Variants in TPCN2 observed in about 807,000 individuals in gnomAD.
TPCN2 encodes the protein two pore channel protein 2.
In TPCN2, 92 loss-of-function variants were observed where a neutral mutation model predicts 111.4. That is an observed-to-expected ratio of 0.83 (90% CI 0.70 to 0.98). TPCN2 has a LOEUF of 0.98. Among genes scored for constraint, TPCN2 ranks in the 50% least tolerant of loss-of-function variants. TPCN2 has a pLI of 0.00. For synonymous variants in TPCN2, 405 were observed against 414.5 expected, an observed-to-expected ratio of 0.98 and a Z score of 0.28; for missense variants, 995 against 980.1, an observed-to-expected ratio of 1.02 and a Z score of -0.20.
intron 8 of TPCN2, 85 bp from the exon 9 acceptor site, chr11:69,070,345 T>C (rs1303497906): frequency 8.6e-7 from 1 of 1,158,514 alleles, no homozygotes; most frequent in African/African-American, 1.5e-5. Context: ...TCCTTTCTAT[T>C]GCAAAAGCAA....
intron 7 of TPCN2, among the ~76,000 whole-genome samples, chr11:69,065,328 G>A (rs1360180530): frequency 6.6e-6 from 1 of 152,206 alleles, no homozygotes; most frequent in Non-Finnish European, 1.5e-5. Flanking sequence ...GCTGGAAGTG[G>A]CAACAGCCTC....
chr11:69,086,600 T>C lies in TPCN2; in HGVS notation c.2081T>C (p.Leu694Pro), dbSNP rs756799709. 3.6e-5 allele frequency: 58 copies of C among 1,613,772 alleles called. No individual in the cohort carries two copies. The highest frequency in any genetic ancestry group is 4.8e-5 in the Non-Finnish European group (57 of 1,179,776). Residue 694 changes from leucine to proline, a missense_variant, in exon 23 of 25, where the codon CTG becomes CCG. By Grantham distance (98) the Leu-to-Pro change is moderately conservative. Coordinates refer to ENST00000294309, the MANE Select transcript of TPCN2 (RefSeq NM_139075.4). Reference sequence around the variant, plus strand: ...GTCAACCTGTTTCTGGCCCTGATTCTGGAGGTATCAGAGATCCCCACCCAG... The same window carrying C: ...GTCAACCTGTTTCTGGCCCTGATTCCGGAGGTATCAGAGATCCCCACCCAG... ...IWVNLFLALI[L>P]ENFLHKWDPR... is the part of the protein sequence containing the mutation.
intron 19 of TPCN2, among the ~76,000 whole-genome samples, 169 bp downstream of exon 19, chr11:69,084,185 C>G (rs1197543426): frequency 2.0e-5 from 3 of 152,188 alleles, no homozygotes; most frequent in Non-Finnish European, 4.4e-5. Context: ...GGGTAAGAAG[C>G]CAGAGGCATC....
chr11:69,083,953 C>G lies in TPCN2; in HGVS notation c.1698C>G (p.Ala566=). The G allele has an allele frequency of 6.2e-7, 1 of 1,614,072 alleles. No individual in the cohort carries two copies. The highest frequency in any genetic ancestry group is 8.5e-7 in the Non-Finnish European group (1 of 1,179,998). Residue 566 remains alanine, a synonymous_variant, in exon 19 of 25, where the codon GCC becomes GCG. Transcript: ENST00000294309. ...TCTCTTCCTGTCCTCAGCTGATGGCCGTGGTGGCCAGTACCGTCCTGGGCC... is the reference window on the plus strand; with the variant it reads ...TCTCTTCCTGTCCTCAGCTGATGGCGGTGGTGGCCAGTACCGTCCTGGGCC... The part of the protein sequence containing the change: ...LRIIPSMKLM[A]VVASTVLGLV...
intron 6 of TPCN2, among the ~76,000 whole-genome samples, chr11:69,063,611 C>T (rs1276304412): frequency 6.6e-6 from 1 of 152,158 alleles, no homozygotes; most frequent in Non-Finnish European, 1.5e-5. Context: ...GGCCTCCCCT[C>T]TGAGAGCCCT....
chr11:69,056,924 G>A (rs1854799027), intron 4 of TPCN2, among the ~76,000 whole-genome samples: 1 of 151,902 alleles, frequency 6.6e-6, no homozygotes. Context: ...TGCAACCTTC[G>A]CCTCCTGGGT....
Position 69,067,597 on chromosome 11 carries a change from AC to A in TPCN2, c.825del (p.Asp276MetfsTer2). 1 of 1,613,610 alleles carries A rather than the reference AC, an allele frequency of 6.2e-7. No homozygotes were observed. The highest frequency in any genetic ancestry group is 8.5e-7 in the Non-Finnish European group (1 of 1,179,940). On this transcript the variant is annotated frameshift_variant, in exon 8 of 25. Transcript: ENST00000294309. LOFTEE classifies it high-confidence loss of function. ...CTGGTGCTGCTGACCACGGCCAACA[AC>A]CCCGATGGTGCGTGCAGGGCCAGGG... is the stretch of plus-strand genomic sequence containing the variant. ...SLLVLLTTAN[N>X]PDVMIPAYSK...
At chr11:69,057,952 T>C (rs946399431) in intron 5 of TPCN2, among the ~76,000 whole-genome samples, 6 of 151,982 alleles carry the variant, frequency 3.9e-5, no homozygotes, top group Non-Finnish European at 7.4e-5. Context: ...GACCTGGGAG[T>C]GAGCTCCAAG....
chr11:69,053,566 T>G (rs10792013), intron 1 of TPCN2, among the ~76,000 whole-genome samples: 117,560 of 151,930 alleles, frequency 0.77, 50,825 homozygotes, highest in Non-Finnish European at 0.99. Flanking sequence ...AGCAGCCCCA[T>G]GTACCGAGCA....
chr11:69,076,418 C>T (rs1327999639), intron 13 of TPCN2, among the ~76,000 whole-genome samples: 1 of 152,104 alleles, frequency 6.6e-6, no homozygotes, highest in Non-Finnish European at 1.5e-5. Flanking sequence ...GGGAAATTTT[C>T]AGGAGGTCAG....
chr11:69,063,762 AC>A, intron 6 of TPCN2, 132 bp from the exon 7 acceptor site: 1 of 763,948 alleles, frequency 1.3e-6, no homozygotes, highest in South Asian at 1.6e-5. Context: ...GGAGAGGGGG[AC>A]CCAGCTGCTG....
rs750321261 is a variant in TPCN2, at chr11:69,070,477, A to G, written c.877A>G (p.Ile293Val). The change falls in exon 9 of 25, where the codon ATA (isoleucine) becomes GTA (valine). Residue 293 changes from isoleucine (I) to valine (V), a missense_variant. By Grantham distance (29) the Ile-to-Val change is conservative (BLOSUM62 3). Coordinates refer to ENST00000294309, the MANE Select transcript of TPCN2 (RefSeq NM_139075.4). ...GAACCGGGCCTATGCCATCTTCTTC[A>G]TAGTCTTCACTGTGATAGGTGAGTG... is the stretch of plus-strand genomic sequence containing the variant. ...SKNRAYAIFFIVFTVIGSLFL... is the reference protein window; with the variant it reads ...SKNRAYAIFFVVFTVIGSLFL... 6.2e-7 allele frequency: 1 copy of G among 1,610,028 alleles called. No homozygotes were observed. The highest frequency in any genetic ancestry group is 8.5e-7 in the Non-Finnish European group (1 of 1,178,450).
chr11:69,085,080 G>A (rs1856213658), intron 19 of TPCN2, 130 bp from the exon 20 acceptor site: 1 of 938,606 alleles, frequency 1.1e-6, no homozygotes, highest in African/African-American at 1.6e-5. Context: ...CAGCCAGGCT[G>A]GAATCCCAGC....
At chr11:69,079,268 C>A in intron 16 of TPCN2, 1 of 531,170 alleles carries the variant, frequency 1.9e-6, no homozygotes, top group East Asian at 3.1e-5. Flanking sequence ...CCTCCCGACC[C>A]CCAGGGGAAG....
rs1024480327 is a variant in TPCN2 at position 69,056,455 on chromosome 11, T to C, written c.429+1103T>C. ...GTTGTCATTAGCGTTTTTTGAATGGTTGGTGTGTTTGAGAAGTGTCAAAAG... is the reference window on the plus strand; with the variant it reads ...GTTGTCATTAGCGTTTTTTGAATGGCTGGTGTGTTTGAGAAGTGTCAAAAG... On this transcript the variant is annotated intron_variant, in intron 4 of 24. Transcript: ENST00000294309. Among the ~76,000 whole-genome samples the C allele has an allele frequency of 7.2e-5, 11 of 152,184 alleles. No individual in the cohort carries two copies. In the East Asian group the frequency reaches 2.1e-3, roughly 29 times the overall value.
intron 8 of TPCN2, among the ~76,000 whole-genome samples, chr11:69,068,144 C>T (rs537507036): frequency 6.6e-6 from 1 of 152,348 alleles, no homozygotes; most frequent in Non-Finnish European, 1.5e-5. Flanking sequence ...GCAGGTGTGG[C>T]CAGGATGGAG....
intron 8 of TPCN2, among the ~76,000 whole-genome samples, chr11:69,070,023 TTTC>T (rs1855451883): frequency 8.3e-6 from 1 of 120,362 alleles, no homozygotes; most frequent in African/African-American, 2.9e-5. Flanking sequence ...TTTTTCTTTC[TTTC>T]TTTTTTTTTT....
rs990265097 is a variant in TPCN2 at position 69,089,647 on chromosome 11, C to T, written c.*1694C>T. On this transcript the variant is annotated 3_prime_UTR_variant, in exon 25 of 25. Coordinates refer to ENST00000294309, the MANE Select transcript of TPCN2 (RefSeq NM_139075.4). ...GCAGTTAGCCTCCTGCTGGTGTTCT[C>T]TCTTGTTGCTTGGTGAAGGTGGCCC... 3 of 152,324 alleles carry T rather than the reference C, an allele frequency of 2.0e-5. No homozygotes were observed. The highest frequency in any genetic ancestry group is 4.4e-5 in the Non-Finnish European group (3 of 68,086). 9.4% of individuals were successfully genotyped at this position (152,324 alleles called of 1,614,324 possible).
intron 4 of TPCN2, among the ~76,000 whole-genome samples, chr11:69,057,128 G>A (rs113779094): frequency 0.031 from 4,735 of 152,330 alleles, 270 homozygotes; most frequent in African/African-American, 0.11. Flanking sequence ...GTGAGCCACC[G>A]CCTTCTGGGG....
Sources: gnomAD v4.1 joint callset for allele counts (sites outside exome capture counted in the v4.1 genomes callset) on GRCh38, gnomAD v4.1.1 for gene constraint, MANE v1.5 for transcripts, NCBI Gene and HGNC (gene_info 2026-07-23, HGNC 2026-07-21) for gene names.